MTSS1: variants seen among roughly 807,000 people sequenced by gnomAD.
MTSS1 encodes the protein protein MTSS 1.
In MTSS1, 18 loss-of-function variants were observed where a neutral mutation model predicts 79.0. The ratio of observed to expected loss-of-function variants is 0.23; its 90% CI spans 0.16 to 0.34. The LOEUF is 0.34. Among genes scored for constraint, MTSS1 ranks in the 10% least tolerant of loss-of-function variants. The pLI, the probability that MTSS1 is intolerant of heterozygous loss-of-function variation, is 1.00. For missense variants in MTSS1, 815 were observed against 986.2 expected, an observed-to-expected ratio of 0.83 and a Z score of 2.33; for synonymous variants, 341 against 368.6, an observed-to-expected ratio of 0.93 and a Z score of 0.86.
chr8:124,598,504 A>G (rs1369246217), intron 3 of MTSS1, among the ~76,000 whole-genome samples: 1 of 152,164 alleles, frequency 6.6e-6, no homozygotes, highest in East Asian at 1.9e-4. Flanking sequence ...CACTGTTTCC[A>G]GTGCTGTTCC....
intron 6 of MTSS1, among the ~76,000 whole-genome samples, chr8:124,583,610 AG>A (rs1830404385): frequency 6.6e-6 from 1 of 152,214 alleles, no homozygotes; most frequent in South Asian, 2.1e-4. Context: ...GAGTGGTGGA[AG>A]AGCTGAGGGA....
chr8:124,699,976 G>A (rs919781629), intron 2 of MTSS1, among the ~76,000 whole-genome samples: 13 of 151,918 alleles, frequency 8.6e-5, no homozygotes, highest in South Asian at 6.2e-4. Context: ...GTGAAACCCC[G>A]TGTCTACAAA....
At chr8:124,617,601 G>A (rs904644743) in intron 3 of MTSS1, among the ~76,000 whole-genome samples, 5 of 152,058 alleles carry the variant, frequency 3.3e-5, no homozygotes, top group African/African-American at 1.2e-4. Flanking sequence ...GTTTCACAGG[G>A]CGAGAGGGGT....
chr8:124,726,209 G>C (rs574036385), intron 1 of MTSS1, among the ~76,000 whole-genome samples: 26 of 152,348 alleles, frequency 1.7e-4, no homozygotes, highest in Admixed American at 1.6e-3. Flanking sequence ...CAGGATGGCA[G>C]GTGGAAAGCA....
chr8:124,556,002 A>C, intron 12 of MTSS1, 98 bp from the exon 13 acceptor site: 4 of 1,555,020 alleles, frequency 2.6e-6, no homozygotes, highest in Non-Finnish European at 3.5e-6. Flanking sequence ...CTGTGGGGCC[A>C]GGGGGCTATT....
At chr8:124,668,470 A>C (rs1480466586) in intron 3 of MTSS1, among the ~76,000 whole-genome samples, 1 of 152,122 alleles carries the variant, frequency 6.6e-6, no homozygotes, top group Non-Finnish European at 1.5e-5. Context: ...TCATGCCCCT[A>C]CCAGGTCCAC....
chr8:124,663,430 C>T (rs1470181906), intron 3 of MTSS1, among the ~76,000 whole-genome samples: 1 of 152,098 alleles, frequency 6.6e-6, no homozygotes, highest in Non-Finnish European at 1.5e-5. Context: ...CATCCCCCTT[C>T]CTCAAATCGG....
intron 3 of MTSS1, among the ~76,000 whole-genome samples, chr8:124,627,069 C>A (rs1255894192): frequency 6.6e-6 from 1 of 152,084 alleles, no homozygotes; most frequent in Non-Finnish European, 1.5e-5. Context: ...GTGTGGCTCA[C>A]ACCAAAGTTT....
intron 3 of MTSS1, among the ~76,000 whole-genome samples, chr8:124,692,278 C>T (rs1185119829): frequency 1.3e-5 from 2 of 152,018 alleles, no homozygotes; most frequent in African/African-American, 2.4e-5. Flanking sequence ...GATCCACCCA[C>T]CTCGGCCTCT....
At chr8:124,678,743 T>C (rs1385794186) in intron 3 of MTSS1, among the ~76,000 whole-genome samples, 2 of 152,194 alleles carry the variant, frequency 1.3e-5, no homozygotes, top group Non-Finnish European at 2.9e-5. Context: ...ATCAGCCTGG[T>C]AGGCCCTAAT....
chr8:124,593,876 C>T (rs4871511), intron 3 of MTSS1, among the ~76,000 whole-genome samples: 21,127 of 152,080 alleles, frequency 0.14, 1,940 homozygotes, highest in African/African-American at 0.24. Context: ...AGAGCAGAGA[C>T]GAGAGCCTAG....
At chr8:124,638,263 A>C (rs1411385704) in intron 3 of MTSS1, among the ~76,000 whole-genome samples, 1 of 152,250 alleles carries the variant, frequency 6.6e-6, no homozygotes, top group African/African-American at 2.4e-5. Context: ...TCACAACTAC[A>C]AAAGGCTTAA....
At chr8:124,556,651 A>G (rs370998968) in intron 11 of MTSS1, 1 of 512,950 alleles carries the variant, frequency 1.9e-6, no homozygotes, top group South Asian at 2.9e-5. Flanking sequence ...ACCCTCACCC[A>G]CCAGGTGGCA....
In MTSS1 at chr8:124,727,635, G is replaced by A; in HGVS notation, c.72+249C>T. 1.5e-6 allele frequency: 1 copy of A among 648,096 alleles called. No homozygotes were observed. The highest frequency in any genetic ancestry group is 2.9e-6 in the Non-Finnish European group (1 of 350,102). 40.1% of individuals were successfully genotyped at this position (648,096 alleles called of 1,614,324 possible). ...AGGGAAAGAAATGGTGCCGCCCCCT[G>A]GGACAATGAGCGGGGGAGATGGCGT... On this transcript the variant is annotated intron_variant, in intron 1 of 13. Coordinates refer to ENST00000518547, the MANE Select transcript of MTSS1 (RefSeq NM_014751.6). The surrounding 1 kb of genome is among the most constrained non-coding windows in gnomAD (Gnocchi z 4.7).
chr8:124,716,666 AC>A (rs1362557325), intron 1 of MTSS1, among the ~76,000 whole-genome samples: 1 of 152,194 alleles, frequency 6.6e-6, no homozygotes, highest in Non-Finnish European at 1.5e-5. Context: ...CTCCAGGGAC[AC>A]TTTTGCTCAT....
In MTSS1 at chr8:124,556,349, G is replaced by A. The variant is rs1296398552; in HGVS notation, c.1287C>T (p.Arg429=). ...TGGGGTCCGGTTCTCGCTTCTCTTT[G>A]CGGCGCTGCAGGGTGTTCACCAGAG... is the stretch of plus-strand genomic sequence containing the variant. The part of the protein sequence containing the change: ...DQPLVNTLQR[R]KEKREPDPNG... Residue 429 remains arginine, a synonymous_variant, in exon 12 of 14, where the codon CGC becomes CGT. Transcript: ENST00000518547. The A allele has an allele frequency of 6.2e-7, 1 of 1,614,210 alleles. No homozygotes were observed. The highest frequency in any genetic ancestry group is 8.5e-7 in the Non-Finnish European group (1 of 1,180,038).
intron 3 of MTSS1, among the ~76,000 whole-genome samples, chr8:124,602,167 CAAAT>C (rs1274378939): frequency 2.0e-5 from 2 of 101,696 alleles, no homozygotes; most frequent in Admixed American, 9.3e-5. Flanking sequence ...AAAAAAATCA[CAAAT>C]AAATCTCATA....
At chr8:124,583,645 AT>A (rs1830408704) in intron 6 of MTSS1, among the ~76,000 whole-genome samples, 1 of 152,036 alleles carries the variant, frequency 6.6e-6, no homozygotes, top group Non-Finnish European at 1.5e-5. Flanking sequence ...TTCTTCCTTC[AT>A]CCTTTTCACC....
intron 1 of MTSS1, among the ~76,000 whole-genome samples, chr8:124,720,048 GAA>G (rs1243667279): frequency 1.3e-4 from 20 of 152,330 alleles, no homozygotes; most frequent in African/African-American, 4.8e-4. Flanking sequence ...ATGTCACAAA[GAA>G]TGTGAAAAAT....
Sources: gnomAD v4.1 joint callset for allele counts (sites outside exome capture counted in the v4.1 genomes callset) on GRCh38, gnomAD v4.1.1 for gene constraint, Gnocchi (gnomAD v3.1) non-coding constraint, MANE v1.5 for transcripts, NCBI Gene and HGNC (gene_info 2026-07-23, HGNC 2026-07-21) for gene names.